The following DPYSL3 variants were observed in gnomAD, a reference collection of about 807,000 sequenced individuals.
DPYSL3 encodes the protein dihydropyrimidinase like 3, also known as dihydropyrimidinase-related protein 3.
In DPYSL3, 16 loss-of-function variants were observed where a neutral mutation model predicts 66.1. The ratio of observed to expected loss-of-function variants is 0.24; its 90% CI spans 0.16 to 0.37. DPYSL3 has a LOEUF of 0.37. Among genes scored for constraint, DPYSL3 ranks in the 10% least tolerant of loss-of-function variants. The probability of loss-of-function intolerance (pLI) is 1.00; values close to 1 mark genes in which losing one functional copy is unlikely to be tolerated. For missense variants in DPYSL3, 738 were observed against 916.2 expected, an observed-to-expected ratio of 0.81 and a Z score of 2.51; for synonymous variants, 338 against 345.1, an observed-to-expected ratio of 0.98 and a Z score of 0.23.
intron 1 of DPYSL3, among the ~76,000 whole-genome samples, chr5:147,450,670 C>T (rs1057390638): frequency 6.6e-6 from 1 of 152,118 alleles, no homozygotes; most frequent in Non-Finnish European, 1.5e-5. Context: ...ATGCCTTAAT[C>T]TCAGGAGGGC....
intron 1 of DPYSL3, among the ~76,000 whole-genome samples, chr5:147,487,297 CATTGTT>C (rs1753347847): frequency 1.3e-5 from 2 of 152,186 alleles, no homozygotes; most frequent in Admixed American, 6.6e-5. Context: ...AAATATCTTG[CATTGTT>C]CTTCCTTCAA....
chr5:147,413,533 G>T, intron 5 of DPYSL3, 63 bp downstream of exon 5: 1 of 1,326,182 alleles, frequency 7.5e-7, no homozygotes, highest in Non-Finnish European at 1.1e-6. Context: ...AAGGGCCAAG[G>T]TCATCAACAA....
intron 1 of DPYSL3, among the ~76,000 whole-genome samples, chr5:147,499,775 G>A (rs936257695): frequency 2.0e-5 from 3 of 151,994 alleles, no homozygotes; most frequent in South Asian, 2.1e-4. Context: ...CAAAATCAGA[G>A]GACTGACAGT....
At chr5:147,413,044 A>T (rs1561778076) in intron 5 of DPYSL3, among the ~76,000 whole-genome samples, 1 of 152,184 alleles carries the variant, frequency 6.6e-6, no homozygotes, top group African/African-American at 2.4e-5. Context: ...CTAGAAAACC[A>T]CTACAGCCAG....
At chr5:147,394,173 G>A (rs780614068) in intron 13 of DPYSL3, 50 bp from the exon 14 acceptor site, 1 of 1,582,628 alleles carries the variant, frequency 6.3e-7, no homozygotes, top group South Asian at 1.1e-5. Context: ...AGAGTGGCGG[G>A]TAGGGGGATG....
intron 1 of DPYSL3, among the ~76,000 whole-genome samples, chr5:147,427,732 C>A (rs2126337410): frequency 6.6e-6 from 1 of 152,240 alleles, no homozygotes; most frequent in Non-Finnish European, 1.5e-5. Context: ...CCTGCCTGCC[C>A]CCAACCCCAC....
At chr5:147,455,886 T>C (rs1316832779) in intron 1 of DPYSL3, among the ~76,000 whole-genome samples, 1 of 151,940 alleles carries the variant, frequency 6.6e-6, no homozygotes, top group Non-Finnish European at 1.5e-5. Context: ...TAAATAGATT[T>C]ATACCATATT....
chr5:147,441,216 A>G (rs774222680), intron 1 of DPYSL3, among the ~76,000 whole-genome samples: 10 of 152,146 alleles, frequency 6.6e-5, no homozygotes, highest in Non-Finnish European at 1.3e-4. Context: ...AAAGTACCAC[A>G]GGCTGATGGT....
chr5:147,435,652 A>C (rs1316049027), intron 1 of DPYSL3, among the ~76,000 whole-genome samples: 1 of 152,194 alleles, frequency 6.6e-6, no homozygotes, highest in East Asian at 1.9e-4. Flanking sequence ...TAGGGTCAAA[A>C]AATCAAGCTG....
At chr5:147,438,416 A>G (rs1001384163) in intron 1 of DPYSL3, among the ~76,000 whole-genome samples, 3 of 152,212 alleles carry the variant, frequency 2.0e-5, no homozygotes, top group Admixed American at 6.5e-5. Flanking sequence ...AATCAGAGAC[A>G]AGTGGGTAGT....
intron 12 of DPYSL3, among the ~76,000 whole-genome samples, chr5:147,397,341 C>T (rs896691317): frequency 1.3e-5 from 2 of 151,304 alleles, no homozygotes; most frequent in African/African-American, 2.4e-5. Flanking sequence ...TCTCGGTTCT[C>T]ACCTTCAGAC....
intron 1 of DPYSL3, among the ~76,000 whole-genome samples, chr5:147,457,982 G>C (rs1447224227): frequency 2.6e-5 from 4 of 152,164 alleles, no homozygotes; most frequent in African/African-American, 9.7e-5. Context: ...TAGGAAAGAA[G>C]GTATTGGGAG....
intron 1 of DPYSL3, among the ~76,000 whole-genome samples, chr5:147,472,031 A>G (rs1053649201): frequency 6.6e-6 from 1 of 152,156 alleles, no homozygotes; most frequent in Non-Finnish European, 1.5e-5. Context: ...ATTCTGTGAG[A>G]CCATAGCAAT....
chr5:147,402,145 G>A (rs1445240550), intron 8 of DPYSL3: 1 of 159,786 alleles, frequency 6.3e-6, no homozygotes, highest in Non-Finnish European at 1.4e-5. Flanking sequence ...GAAAAGATAT[G>A]GCATACGTGA....
rs1273063127 is a variant in DPYSL3, at chr5:147,509,611, C to A, written c.248G>T (p.Gly83Val). The A allele has an allele frequency of 1.3e-6, 2 of 1,535,588 alleles. No individual in the cohort carries two copies. Among genetic ancestry groups the A allele is most frequent in the African/African-American group, 2.7e-5 (2 of 73,160 alleles). The change falls in exon 1 of 14, where the codon GGG (glycine) becomes GTG (valine). Residue 83 changes from glycine to valine, a missense_variant. Gly to Val is a moderately radical substitution (Grantham distance 109, BLOSUM62 -3). Transcript: ENST00000343218. The surrounding 1 kb of genome is among the most constrained non-coding windows in gnomAD (Gnocchi z 5.3). ...GCCTTGGCCCCTGCGCGGGGTGTCC[C>A]CCTCGATCCCGGGCCGACTCCCCGA... ...RGSGSRPGIE[G>V]DTPRRGQGRE...
chr5:147,504,592 G>T (rs1753659255), intron 1 of DPYSL3, among the ~76,000 whole-genome samples: 1 of 152,214 alleles, frequency 6.6e-6, no homozygotes, highest in African/African-American at 2.4e-5. Context: ...CATTGTGCAG[G>T]ATAAAGAGGA....
chr5:147,402,350 T>TA lies in DPYSL3; in HGVS notation c.1154-655_1154-654insT, dbSNP rs1561773455. 6.6e-4 allele frequency among the ~76,000 whole-genome samples: 97 copies of TA among 145,918 alleles called. 6 individuals carry two copies. The highest frequency in any genetic ancestry group is 2.5e-3 in the African/African-American group (89 of 35,796). On this transcript the variant is annotated intron_variant, in intron 8 of 13. Transcript: ENST00000343218. ...TTAGAGACTCTCATGACTTTTTTTTTTTTCTTTTTTTTTTTGAGACGGAGT... is the reference window on the plus strand; with the variant it reads ...TTAGAGACTCTCATGACTTTTTTTTTATTTCTTTTTTTTTTTGAGACGGAGT...
chr5:147,413,447 T>C, intron 5 of DPYSL3, 149 bp downstream of exon 5: 1 of 618,496 alleles, frequency 1.6e-6, no homozygotes, highest in Non-Finnish European at 2.9e-6. Context: ...ATTTAAAATG[T>C]AGCGTGGACT....
chr5:147,479,474 G>A lies in DPYSL3; in HGVS notation c.381+30004C>T, dbSNP rs150062405. On this transcript the variant is annotated intron_variant, in intron 1 of 13. Transcript: ENST00000343218. Reference sequence around the variant, plus strand: ...TGAAGGACATTTTATCTTGTCTGAAGAGAGAATGAAAAAAGGAGGTGAAAC... The same window carrying A: ...TGAAGGACATTTTATCTTGTCTGAAAAGAGAATGAAAAAAGGAGGTGAAAC... Among the ~76,000 whole-genome samples the A allele has an allele frequency of 8.4e-3, 1,283 of 152,212 alleles. 14 individuals carry two copies. The highest frequency in any genetic ancestry group is 0.029 in the African/African-American group (1,213 of 41,526).
Sources: gnomAD v4.1 joint callset for allele counts (sites outside exome capture counted in the v4.1 genomes callset) on GRCh38, gnomAD v4.1.1 for gene constraint, Gnocchi (gnomAD v3.1) non-coding constraint, MANE v1.5 for transcripts, NCBI Gene and HGNC (gene_info 2026-07-23, HGNC 2026-07-21) for gene names.